TRPM3: variants seen among roughly 807,000 people sequenced by gnomAD.
TRPM3 encodes the protein transient receptor potential cation channel subfamily M member 3.
In TRPM3, 77 loss-of-function variants were observed where a neutral mutation model predicts 181.2. The ratio of observed to expected loss-of-function variants is 0.42; its 90% CI spans 0.35 to 0.51. TRPM3 has a LOEUF of 0.51. Ranked by LOEUF, TRPM3 falls within the 20% of genes least tolerant of loss-of-function variation. The pLI is 0.01. For synonymous variants in TRPM3, 745 were observed against 796.4 expected, an observed-to-expected ratio of 0.94 and a Z score of 1.09; for missense variants, 1,759 against 2,196.7, an observed-to-expected ratio of 0.80 and a Z score of 3.98.
In TRPM3 at chr9:70,937,511, A is replaced by C. The variant is rs12004234; in HGVS notation, c.178-73000T>G. On this transcript the variant is annotated intron_variant, in intron 1 of 25. Coordinates refer to ENST00000677713, the MANE Select transcript of TRPM3 (RefSeq NM_001366145.2). The stretch of plus-strand genomic sequence containing the variant: ...AAGATATTACAGAAAAGAGTATCCA[A>C]AATTACTGAGTCAATGCAAATTTTA... Among the ~76,000 whole-genome samples the C allele has an allele frequency of 9.1e-3, 1,383 of 152,316 alleles. 14 individuals carry two copies. The highest frequency in any genetic ancestry group is 0.031 in the African/African-American group (1,307 of 41,552).
At chr9:70,970,199 T>C (rs1353807307) in intron 1 of TRPM3, among the ~76,000 whole-genome samples, 6 of 152,186 alleles carry the variant, frequency 3.9e-5, no homozygotes, top group African/African-American at 1.4e-4. Flanking sequence ...TTAGAGTTAA[T>C]GTATGTAAAA....
At chr9:71,128,572 TAA>T (rs2074190913) in intron 1 of TRPM3, among the ~76,000 whole-genome samples, 1 of 152,208 alleles carries the variant, frequency 6.6e-6, no homozygotes, top group African/African-American at 2.4e-5. Flanking sequence ...CTTTCTAAAC[TAA>T]GTTTAAATAT....
chr9:70,933,284 A>G (rs1339910827), intron 1 of TRPM3, among the ~76,000 whole-genome samples: 3 of 152,164 alleles, frequency 2.0e-5, no homozygotes, highest in South Asian at 2.1e-4. Context: ...TGGTTTATAG[A>G]TAGGAACTAA....
chr9:71,178,019 A>G (rs1250288191), intron 1 of TRPM3, among the ~76,000 whole-genome samples: 2 of 151,882 alleles, frequency 1.3e-5, no homozygotes, highest in Non-Finnish European at 2.9e-5. Context: ...AACTGAGTAC[A>G]AGCAAAAGCA....
At chr9:70,615,864 T>C (rs764125392) in intron 18 of TRPM3, 44 bp downstream of exon 18, 2 of 1,554,126 alleles carry the variant, frequency 1.3e-6, no homozygotes, top group Non-Finnish European at 1.7e-6. Context: ...ACAAGTGGAT[T>C]AGGAATTCTG....
chr9:71,359,411 A>G (rs902454967), intron 1 of TRPM3, among the ~76,000 whole-genome samples: 1 of 152,226 alleles, frequency 6.6e-6, no homozygotes, highest in African/African-American at 2.4e-5. Flanking sequence ...CCTTCACAGA[A>G]TATTTAAAAT....
At chr9:70,854,242 T>C (rs2095324664) in intron 3 of TRPM3, among the ~76,000 whole-genome samples, 1 of 152,192 alleles carries the variant, frequency 6.6e-6, no homozygotes, top group Non-Finnish European at 1.5e-5. Context: ...CTCAGTTTTG[T>C]CCCCTGAGCA....
intron 1 of TRPM3, among the ~76,000 whole-genome samples, chr9:71,428,831 C>T (rs967278655): frequency 3.3e-5 from 5 of 151,684 alleles, no homozygotes; most frequent in African/African-American, 9.7e-5. Context: ...TGAATGAATA[C>T]CTTATAATCA....
At chr9:70,979,482 C>A (rs2097341352) in intron 1 of TRPM3, among the ~76,000 whole-genome samples, 1 of 152,152 alleles carries the variant, frequency 6.6e-6, no homozygotes, top group Admixed American at 6.5e-5. Context: ...ACGCAGAAGT[C>A]ATTTGTCACC....
At chr9:70,866,494 G>T (rs999514812) in intron 1 of TRPM3, among the ~76,000 whole-genome samples, 1 of 152,030 alleles carries the variant, frequency 6.6e-6, no homozygotes, top group Non-Finnish European at 1.5e-5. Flanking sequence ...ATAAAATGGA[G>T]ACAACAGCAA....
At chr9:70,938,492 C>T (rs560304348) in intron 1 of TRPM3, among the ~76,000 whole-genome samples, 37 of 152,124 alleles carry the variant, frequency 2.4e-4, no homozygotes, top group Admixed American at 2.0e-3. Context: ...TCTATCTCTC[C>T]GCTTATTCTT....
chr9:71,235,698 T>C (rs920183097), intron 1 of TRPM3, among the ~76,000 whole-genome samples: 10 of 152,210 alleles, frequency 6.6e-5, no homozygotes, highest in African/African-American at 2.2e-4. Context: ...TTGTTTTCTT[T>C]AGATGTGGGA....
intron 9 of TRPM3, among the ~76,000 whole-genome samples, chr9:70,649,160 A>G (rs2059293382): frequency 1.1e-4 from 17 of 151,466 alleles, no homozygotes; most frequent in Admixed American, 1.1e-3. Flanking sequence ...AAACAACCTC[A>G]TTTAAAGATG....
chr9:71,020,617 A>T (rs536183029), intron 1 of TRPM3, among the ~76,000 whole-genome samples: 4 of 152,362 alleles, frequency 2.6e-5, no homozygotes, highest in African/African-American at 9.6e-5. Context: ...TGGAAAACAT[A>T]TGAAAATGTA....
intron 3 of TRPM3, among the ~76,000 whole-genome samples, chr9:70,848,540 A>G (rs917939887): frequency 1.3e-5 from 2 of 152,210 alleles, no homozygotes; most frequent in Non-Finnish European, 2.9e-5. Flanking sequence ...CATACACATC[A>G]CATGTAACAC....
intron 14 of TRPM3, among the ~76,000 whole-genome samples, chr9:70,622,659 T>G (rs529280770): frequency 1.6e-4 from 24 of 152,308 alleles, no homozygotes; most frequent in African/African-American, 5.8e-4. Flanking sequence ...CTGATCTATA[T>G]TTACCAGGAG....
At chr9:70,634,722 A>AG (rs2066562774) in intron 12 of TRPM3, among the ~76,000 whole-genome samples, 2 of 152,190 alleles carry the variant, frequency 1.3e-5, no homozygotes, top group African/African-American at 4.8e-5. Flanking sequence ...ATTCTGGAAA[A>AG]AATAGAATGT....
rs376251043 is a variant in TRPM3 at position 70,553,201 on chromosome 9, C to T, written c.3333G>A (p.Val1111=). Residue 1111 remains valine (V), a synonymous_variant, in exon 23 of 26, where the codon GTG becomes GTA. Transcript: ENST00000677713. ...GGAGGTTGACCAGCAAGATGTTTGCCACTAAGAGGTAGCAGGCCATGATGG... is the reference window on the plus strand; with the variant it reads ...GGAGGTTGACCAGCAAGATGTTTGCTACTAAGAGGTAGCAGGCCATGATGG... ...VPAIMACYLL[V]ANILLVNLLI... is the part of the protein sequence containing the mutation. The T allele has an allele frequency of 1.2e-6, 2 of 1,614,076 alleles. No individual in the cohort carries two copies. Among genetic ancestry groups the T allele is most frequent in the African/African-American group, 1.3e-5 (1 of 75,012 alleles).
At chr9:71,026,089 G>C (rs1368457002) in intron 1 of TRPM3, among the ~76,000 whole-genome samples, 1 of 152,218 alleles carries the variant, frequency 6.6e-6, no homozygotes, top group Non-Finnish European at 1.5e-5. Context: ...AGTCGGGGCA[G>C]AACTGCAGCC....
Sources: allele counts gnomAD v4.1 joint callset (sites outside exome capture counted in the v4.1 genomes callset), GRCh38; gene constraint gnomAD v4.1.1; transcripts MANE v1.5; gene names NCBI Gene and HGNC (gene_info 2026-07-23, HGNC 2026-07-21).